The following CUX1 variants were observed in gnomAD, a reference collection of about 807,000 sequenced individuals.
CUX1 encodes the protein cut like homeobox 1.
CUX1 carries 31 observed loss-of-function variants against 158.8 expected under a neutral mutation model. That is an observed-to-expected ratio of 0.20 (90% CI 0.15 to 0.26). The LOEUF (loss-of-function observed/expected upper bound fraction) is 0.26. Ranked by LOEUF, CUX1 falls within the 10% of genes least tolerant of loss-of-function variation. The pLI is 1.00. For missense variants in CUX1, 1,589 were observed against 2,014.6 expected (o/e 0.79, Z 4.04); for synonymous variants, 879 against 862.1 (o/e 1.02, Z -0.34).
intron 16 of CUX1, chr7:102,275,196 G>A (rs1554547414): frequency 7.0e-7 from 1 of 1,419,292 alleles, no homozygotes; most frequent in Non-Finnish European, 9.7e-7. Flanking sequence ...AGGGCCGCCT[G>A]CTGGGTTCCA....
At chr7:102,111,638 C>A in intron 6 of CUX1, 60 bp from the exon 7 acceptor site, 1 of 1,493,714 alleles carries the variant, frequency 6.7e-7, no homozygotes, top group Non-Finnish European at 9.3e-7. Context: ...CCGAAAGGCA[C>A]ACGTGCATTT....
At chr7:102,044,580 G>A (rs185784428) in intron 3 of CUX1, among the ~76,000 whole-genome samples, 14 of 152,106 alleles carry the variant, frequency 9.2e-5, no homozygotes, top group South Asian at 2.1e-4. Flanking sequence ...GATTGTACAT[G>A]CTTTGAGGGC....
chr7:101,850,381 A>C (rs916675634), intron 1 of CUX1, among the ~76,000 whole-genome samples: 80 of 142,368 alleles, frequency 5.6e-4, no homozygotes, highest in African/African-American at 2.0e-3. Flanking sequence ...CATTTCCTAC[A>C]CCCAAGAGCA....
At chr7:102,146,149 G>T (rs1834999292) in intron 8 of CUX1, among the ~76,000 whole-genome samples, 2 of 152,144 alleles carry the variant, frequency 1.3e-5, no homozygotes, top group African/African-American at 2.4e-5. Context: ...GAGAGATGCA[G>T]GAAGCAGCCG....
chr7:102,016,297 G>A (rs912156299), intron 2 of CUX1, among the ~76,000 whole-genome samples: 4 of 152,110 alleles, frequency 2.6e-5, no homozygotes, highest in Admixed American at 6.5e-5. Context: ...CTGCAGCACC[G>A]GCCACAGATA....
chr7:102,149,848 C>T lies in CUX1; in HGVS notation c.675-8712C>T, dbSNP rs1253411582. Among the ~76,000 whole-genome samples the T allele has an allele frequency of 2.0e-5, 3 of 152,182 alleles. No homozygotes were observed. The South Asian group carries it at 6.2e-4, about 32-fold the overall frequency. On this transcript the variant is annotated intron_variant, in intron 8 of 23. Transcript: ENST00000292535. ...TCAGAGCCTGGCCCTGTCTCCACCGCTTCAGCAACCTGCTCTTTCTGGACA... is the reference window on the plus strand; with the variant it reads ...TCAGAGCCTGGCCCTGTCTCCACCGTTTCAGCAACCTGCTCTTTCTGGACA...
chr7:102,246,949 T>C (rs1294834659), intron 23 of CUX1, among the ~76,000 whole-genome samples: 1 of 152,104 alleles, frequency 6.6e-6, no homozygotes, highest in Non-Finnish European at 1.5e-5. Context: ...GCAGAATCAC[T>C]TCAGCCCAGG....
chr7:102,226,859 G>A (rs1219740647), intron 20 of CUX1, among the ~76,000 whole-genome samples: 1 of 152,204 alleles, frequency 6.6e-6, no homozygotes, highest in Admixed American at 6.5e-5. Context: ...TCGAACTCCT[G>A]ACCTTAGATG....
At chr7:101,976,228 C>T (rs1217871996) in intron 2 of CUX1, among the ~76,000 whole-genome samples, 1 of 152,126 alleles carries the variant, frequency 6.6e-6, no homozygotes, top group African/African-American at 2.4e-5. Context: ...TAAACATAAA[C>T]TATATTTCTG....
chr7:102,051,263 G>A (rs528509522), intron 3 of CUX1, among the ~76,000 whole-genome samples: 1 of 151,892 alleles, frequency 6.6e-6, no homozygotes, highest in South Asian at 2.1e-4. Flanking sequence ...CACGAATAAA[G>A]ATGATCTTTG....
At position 102,028,472 on chromosome 7, in the gene CUX1, C is replaced by T. The variant is rs559906038; in HGVS notation, c.189+327C>T. ...CCCATGCATCCCCTCTAGGAAGTCG[C>T]CTTGTCCCCCTGAGCTGGTCTGGGG... On this transcript the variant is annotated intron_variant, in intron 3 of 23. Coordinates refer to ENST00000292535, the MANE Select transcript of CUX1 (RefSeq NM_181552.4). Among the ~76,000 whole-genome samples the T allele has an allele frequency of 2.0e-5, 3 of 152,310 alleles. No individual in the cohort carries two copies. In the East Asian group the frequency reaches 5.8e-4, roughly 29 times the overall value.
intron 20 of CUX1, among the ~76,000 whole-genome samples, chr7:102,216,566 TCCCACACACACA>T (rs1797108648): frequency 6.7e-5 from 2 of 29,642 alleles, no homozygotes; most frequent in South Asian, 1.3e-3. Context: ...GCACACACAC[TCCCACACACACA>T]CTCTCCCACA....
At chr7:101,820,322 T>G (rs1252043423) in intron 1 of CUX1, among the ~76,000 whole-genome samples, 2 of 152,238 alleles carry the variant, frequency 1.3e-5, no homozygotes, top group Non-Finnish European at 2.9e-5. Context: ...AAATTCATCA[T>G]ATGAAGAATC....
chr7:101,817,616 C>A (rs1216469086), upstream of CUX1: 1 of 1,542,406 alleles, frequency 6.5e-7, no homozygotes. The surrounding 1 kb of genome is among the most constrained non-coding windows in gnomAD (Gnocchi z 4.1). Context: ...GGCGCCGGGA[C>A]AGCCCCGGGA....
chr7:102,216,189 T>C (rs1000994124), intron 20 of CUX1, among the ~76,000 whole-genome samples: 12 of 151,926 alleles, frequency 7.9e-5, no homozygotes, highest in African/African-American at 2.9e-4. Context: ...CTATAATCTA[T>C]AGTCTATAGT....
chr7:102,265,928 G>A (rs1563517388), intron 14 of CUX1, among the ~76,000 whole-genome samples: 1 of 152,120 alleles, frequency 6.6e-6, no homozygotes, highest in Non-Finnish European at 1.5e-5. Flanking sequence ...CTTAAGGCAG[G>A]GGCAGTGGCT....
rs1554540494 is a variant in CUX1 at position 102,252,460 on chromosome 7, A to G, written c.*3418A>G. The G allele has an allele frequency of 2.0e-6, 2 of 985,372 alleles. No homozygotes were observed. Among genetic ancestry groups the G allele is most frequent in the Non-Finnish European group, 2.4e-6 (2 of 829,958 alleles). 61.0% of individuals were successfully genotyped at this position (985,372 alleles called of 1,614,324 possible). On this transcript the variant is annotated 3_prime_UTR_variant, in exon 24 of 24. Transcript: ENST00000292535. The stretch of plus-strand genomic sequence containing the variant: ...TCTCCCCTGGGGGAAACGGTTCCAT[A>G]TAAAACACTAACACTTAATTACAAG...
At chr7:101,862,249 T>C (rs1321520322) in intron 1 of CUX1, among the ~76,000 whole-genome samples, 2 of 151,972 alleles carry the variant, frequency 1.3e-5, no homozygotes, top group African/African-American at 4.8e-5. Flanking sequence ...CATCTAGCCA[T>C]GGAGCAGACA....
At chr7:102,231,649 A>G (rs1799003653) in intron 21 of CUX1, among the ~76,000 whole-genome samples, 1 of 152,046 alleles carries the variant, frequency 6.6e-6, no homozygotes, top group Admixed American at 6.6e-5. Context: ...GCTTTCCCGA[A>G]CATAGCAAGC....
Sources: allele counts gnomAD v4.1 joint callset (sites outside exome capture counted in the v4.1 genomes callset), GRCh38; gene constraint gnomAD v4.1.1; non-coding constraint Gnocchi (gnomAD v3.1); transcripts MANE v1.5; gene names NCBI Gene and HGNC (gene_info 2026-07-23, HGNC 2026-07-21).